CHODL: variants seen among roughly 807,000 people sequenced by gnomAD.
CHODL encodes transmembrane protein MT75.
CHODL carries 29 observed loss-of-function variants against 34.5 expected under a neutral mutation model. That is an observed-to-expected ratio of 0.84 (90% CI 0.63 to 1.15). The LOEUF (loss-of-function observed/expected upper bound fraction) is 1.15, where lower values mean the gene tolerates loss of function less well. CHODL is among the 50% of genes most tolerant of loss of function. The pLI is 0.00. For synonymous variants in CHODL, 125 were observed against 116.1 expected (o/e 1.08, Z -0.49); for missense variants, 332 against 332.5 (o/e 1.00, Z 0.01).
chr21:18,002,152 C>G (rs113326758), intron 1 of CHODL, among the ~76,000 whole-genome samples: 2 of 152,064 alleles, frequency 1.3e-5, no homozygotes, highest in African/African-American at 4.8e-5. Flanking sequence ...GGCTGGAAAA[C>G]AATACATCAT....
intron 2 of CHODL, among the ~76,000 whole-genome samples, chr21:18,047,692 T>C (rs537426831): frequency 3.2e-4 from 48 of 151,990 alleles, no homozygotes; most frequent in African/African-American, 9.4e-4. Flanking sequence ...CTCATTTTCA[T>C]TGGATTCAGC....
At chr21:18,108,243 G>T (rs1705593518) in intron 2 of CHODL, among the ~76,000 whole-genome samples, 1 of 151,862 alleles carries the variant, frequency 6.6e-6, no homozygotes, top group South Asian at 2.1e-4. Context: ...TGCATATTTA[G>T]GATATGGTCC....
At chr21:18,148,757 T>TG (rs1434682674) in intron 2 of CHODL, among the ~76,000 whole-genome samples, 1 of 151,316 alleles carries the variant, frequency 6.6e-6, no homozygotes, top group Non-Finnish European at 1.5e-5. Flanking sequence ...GCAGTTTAGT[T>TG]GCTGATATAA....
At chr21:18,187,175 A>T (rs2073452779) in intron 2 of CHODL, among the ~76,000 whole-genome samples, 1 of 152,178 alleles carries the variant, frequency 6.6e-6, no homozygotes, top group South Asian at 2.1e-4. Context: ...TTTAAATGAC[A>T]TTTCTAGGCT....
At chr21:18,145,386 A>G (rs924886764) in intron 2 of CHODL, among the ~76,000 whole-genome samples, 5 of 147,696 alleles carry the variant, frequency 3.4e-5, no homozygotes, top group African/African-American at 1.0e-4. Flanking sequence ...GCAGTGAGCC[A>G]AGATCGCGCC....
At chr21:18,146,982 A>G (rs2072898385) in intron 2 of CHODL, among the ~76,000 whole-genome samples, 1 of 152,210 alleles carries the variant, frequency 6.6e-6, no homozygotes, top group Non-Finnish European at 1.5e-5. Context: ...TACTTTTTCC[A>G]ATTCTCTTTT....
At chr21:17,940,202 C>T (rs926949164) in intron 1 of CHODL, among the ~76,000 whole-genome samples, 5 of 152,124 alleles carry the variant, frequency 3.3e-5, no homozygotes, top group Non-Finnish European at 7.4e-5. Flanking sequence ...GATAAAAACC[C>T]AACTGCAGCT....
chr21:18,125,215 TA>T (rs2065527394), intron 2 of CHODL, among the ~76,000 whole-genome samples: 1 of 152,202 alleles, frequency 6.6e-6, no homozygotes, highest in East Asian at 1.9e-4. Context: ...TTTACTGAAA[TA>T]ATGTAACTTA....
At chr21:17,952,194 C>CAAAAAAAAAAAA (rs58511535) in intron 1 of CHODL, among the ~76,000 whole-genome samples, 3 of 80,364 alleles carry the variant, frequency 3.7e-5, no homozygotes, top group Non-Finnish European at 6.8e-5. Context: ...TACTATGTCT[C>CAAAAAAAAAAAA]AAAAAAAAAA....
At chr21:18,112,842 G>A (rs1163593255) in intron 2 of CHODL, among the ~76,000 whole-genome samples, 1 of 152,142 alleles carries the variant, frequency 6.6e-6, no homozygotes, top group Non-Finnish European at 1.5e-5. Flanking sequence ...AACTTTCTAG[G>A]ACATTGGTCT....
In CHODL at chr21:18,220,340, A is replaced by T. The variant is rs562109086; in HGVS notation, c.-44-36169A>T. Reference sequence around the variant, plus strand: ...ATTTACATTCAAACTTATTATTGATAGGTAAGGACTTACTCTTGTCATTTA... The same window carrying T: ...ATTTACATTCAAACTTATTATTGATTGGTAAGGACTTACTCTTGTCATTTA... On this transcript the variant is annotated intron_variant, in intron 2 of 6. Transcript: ENST00000400127. Among the ~76,000 whole-genome samples the T allele has an allele frequency of 1.4e-3, 214 of 152,284 alleles. 2 individuals carry two copies. Among genetic ancestry groups the T allele is most frequent in the African/African-American group, 4.9e-3 (203 of 41,578 alleles).
chr21:18,152,752 G>T (rs146340663), intron 2 of CHODL, among the ~76,000 whole-genome samples: 46 of 152,320 alleles, frequency 3.0e-4, no homozygotes, highest in Admixed American at 1.7e-3. Context: ...CAAGAAGAAG[G>T]ATCGTTCATG....
At chr21:18,198,446 C>T (rs1325135217) in intron 2 of CHODL, among the ~76,000 whole-genome samples, 1 of 152,016 alleles carries the variant, frequency 6.6e-6, no homozygotes, top group Non-Finnish European at 1.5e-5. Flanking sequence ...AAATAGAAGG[C>T]AGCATTATAG....
intron 1 of CHODL, among the ~76,000 whole-genome samples, chr21:17,932,206 G>C (rs1396393382): frequency 2.0e-5 from 3 of 152,110 alleles, no homozygotes; most frequent in Non-Finnish European, 1.5e-5. Context: ...TGAAAAAAAG[G>C]CTCAACATTA....
chr21:17,977,302 T>A (rs2063671151), intron 1 of CHODL, among the ~76,000 whole-genome samples: 1 of 152,114 alleles, frequency 6.6e-6, no homozygotes, highest in African/African-American at 2.4e-5. Flanking sequence ...TGTCTGGTAC[T>A]CTGTTCATTG....
chr21:18,117,716 T>C (rs998637731), intron 2 of CHODL, among the ~76,000 whole-genome samples: 2 of 139,506 alleles, frequency 1.4e-5, no homozygotes, highest in South Asian at 2.4e-4. Flanking sequence ...ATAAAATAAA[T>C]AAATAAATAA....
At chr21:17,973,416 TC>T (rs1459866299) in intron 1 of CHODL, among the ~76,000 whole-genome samples, 45 of 117,298 alleles carry the variant, frequency 3.8e-4, no homozygotes, top group South Asian at 5.4e-4. Context: ...TTTCTTTCTT[TC>T]TTTTTTTTTT....
At position 18,244,998 on chromosome 21, in the gene CHODL, C is replaced by G; in HGVS notation, c.-226C>G. On this transcript the variant is annotated 5_prime_UTR_variant, in exon 1 of 6. Transcript: ENST00000299295. ...CTTCAGTCCCCCAAACGCGCACCCT[C>G]GAAGTCTTGAACTCCAGCCCCGCAC... The G allele has an allele frequency of 4.3e-6, 2 of 462,202 alleles. No homozygotes were observed. Among genetic ancestry groups the G allele is most frequent in the Non-Finnish European group, 7.6e-6 (2 of 264,330 alleles). 28.6% of individuals were successfully genotyped at this position (462,202 alleles called of 1,614,324 possible).
chr21:18,174,122 T>TATATATATATATATCTTG lies in CHODL; in HGVS notation c.-44-82387_-44-82386insATATATATATATATCTTG, dbSNP rs1568923067. The stretch of plus-strand genomic sequence containing the variant: ...GGATATATATATATATATATCTTGG[T>TATATATATATATATCTTG]GTATATATATATATATATATATATA... On this transcript the variant is annotated intron_variant, in intron 2 of 6. Transcript: ENST00000400127. Among the ~76,000 whole-genome samples the TATATATATATATATCTTG allele has an allele frequency of 5.0e-3, 60 of 12,112 alleles. 5 individuals are homozygous for TATATATATATATATCTTG. Among genetic ancestry groups the TATATATATATATATCTTG allele is most frequent in the Non-Finnish European group, 8.2e-3 (33 of 4,022 alleles). 7.9% of individuals were successfully genotyped at this position (12,112 alleles called of 152,430 possible).
Sources: allele counts gnomAD v4.1 joint callset (sites outside exome capture counted in the v4.1 genomes callset), GRCh38; gene constraint gnomAD v4.1.1; transcripts MANE v1.5; gene names NCBI Gene and HGNC (gene_info 2026-07-23, HGNC 2026-07-21).